Variants in SCFD1 observed in about 807,000 individuals in gnomAD.
SCFD1 encodes sec1 family domain-containing protein 1.
In SCFD1, 37 loss-of-function variants were observed where a neutral mutation model predicts 103.2. That is an observed-to-expected ratio of 0.36 (90% CI 0.28 to 0.47). The LOEUF is 0.47. Among genes scored for constraint, SCFD1 ranks in the 20% least tolerant of loss-of-function variants. The pLI is 1.00. For missense variants in SCFD1, 639 were observed against 761.2 expected (o/e 0.84, Z 1.89); for synonymous variants, 264 against 245.0 (o/e 1.08, Z -0.73).
chr14:30,670,774 T>C (rs1053275027), intron 11 of SCFD1, among the ~76,000 whole-genome samples: 1 of 152,140 alleles, frequency 6.6e-6, no homozygotes, highest in African/African-American at 2.4e-5. Context: ...ATGTAAACCT[T>C]GTTTTAGATA....
intron 19 of SCFD1, among the ~76,000 whole-genome samples, chr14:30,712,291 TA>T (rs1891937524): frequency 6.6e-6 from 1 of 152,152 alleles, no homozygotes; most frequent in Non-Finnish European, 1.5e-5. Context: ...AGGGCTCTGA[TA>T]ATCAAGACAG....
intron 9 of SCFD1, among the ~76,000 whole-genome samples, chr14:30,652,571 CTT>C (rs541616184): frequency 2.5e-4 from 38 of 152,262 alleles, no homozygotes; most frequent in African/African-American, 7.7e-4. Flanking sequence ...AGCTCCTACT[CTT>C]TGTTTTCCCT....
chr14:30,694,730 T>G (rs775759329), intron 14 of SCFD1, 43 bp from the exon 15 acceptor site: 6 of 1,539,698 alleles, frequency 3.9e-6, no homozygotes, highest in African/African-American at 2.8e-5. Flanking sequence ...TTATGTATTT[T>G]AATGACTTAA....
intron 14 of SCFD1, among the ~76,000 whole-genome samples, chr14:30,679,914 A>T (rs1421871540): frequency 6.6e-6 from 1 of 152,190 alleles, no homozygotes; most frequent in African/African-American, 2.4e-5. Flanking sequence ...CAGAAAGTTC[A>T]CAGTGGATGA....
chr14:30,719,953 A>G (rs1892541723), intron 21 of SCFD1, among the ~76,000 whole-genome samples: 1 of 104,134 alleles, frequency 9.6e-6, no homozygotes, highest in East Asian at 3.3e-4. Flanking sequence ...AATAGGCAGA[A>G]TTGGGGGCAG....
At position 30,628,265 on chromosome 14, in the gene SCFD1, G is replaced by C. The variant is rs559411605; in HGVS notation, c.118G>C (p.Glu40Gln). 1 of 1,608,352 alleles carries C rather than the reference G, an allele frequency of 6.2e-7. No individual in the cohort carries two copies. Among genetic ancestry groups the C allele is most frequent in the South Asian group, 1.1e-5 (1 of 90,820 alleles). Residue 40 changes from glutamate (E) to glutamine (Q), a missense_variant, in exon 2 of 25, where the codon GAA becomes CAA. Glu to Gln is a conservative substitution (Grantham distance 29). Coordinates refer to ENST00000458591, the MANE Select transcript of SCFD1 (RefSeq NM_016106.4). ...GCCTCATATTAAAAACAGCACAGGA[G>C]AACCAGTATGGAAGGTAAGAGTTTA... Reference protein sequence around the residue: ...NVPHIKNSTGEPVWKVLIYDR... With the variant: ...NVPHIKNSTGQPVWKVLIYDR...
chr14:30,659,985 A>G (rs980509478), intron 10 of SCFD1, among the ~76,000 whole-genome samples: 1 of 147,314 alleles, frequency 6.8e-6, no homozygotes, highest in Admixed American at 6.6e-5. Context: ...AAGCATGAAT[A>G]CTTCAGCATG....
chr14:30,647,943 G>A (rs891863641), intron 7 of SCFD1, among the ~76,000 whole-genome samples: 1 of 152,180 alleles, frequency 6.6e-6, no homozygotes. Flanking sequence ...GAGCCACCAT[G>A]CCCGGCCAGT....
chr14:30,640,656 T>G (rs548958257), intron 6 of SCFD1, among the ~76,000 whole-genome samples: 6 of 152,084 alleles, frequency 3.9e-5, no homozygotes, highest in Non-Finnish European at 7.4e-5. Flanking sequence ...ATTTTAAATT[T>G]TATTAATAAA....
At chr14:30,676,182 T>C (rs1889020163) in intron 14 of SCFD1, 1 of 152,194 alleles carries the variant, frequency 6.6e-6, no homozygotes, top group Non-Finnish European at 1.5e-5. Flanking sequence ...GAGAGCTATA[T>C]TGAGAATTTC....
intron 20 of SCFD1, among the ~76,000 whole-genome samples, chr14:30,716,559 A>G (rs1221140987): frequency 1.3e-5 from 2 of 152,188 alleles, no homozygotes; most frequent in Non-Finnish European, 2.9e-5. Flanking sequence ...TGTTTCATAA[A>G]ACATCCCATC....
At chr14:30,728,010 T>C (rs1189079559) in intron 23 of SCFD1, among the ~76,000 whole-genome samples, 5 of 152,228 alleles carry the variant, frequency 3.3e-5, no homozygotes, top group Non-Finnish European at 7.3e-5. Context: ...TGTTTGCAAC[T>C]GATCCGTCTT....
intron 18 of SCFD1, 95 bp from the exon 19 acceptor site, chr14:30,707,895 A>T (rs1301052559): frequency 2.3e-6 from 2 of 864,922 alleles, no homozygotes; most frequent in African/African-American, 3.3e-5. Flanking sequence ...AGCGAGCATC[A>T]GCATGTGGTG....
intron 11 of SCFD1, among the ~76,000 whole-genome samples, chr14:30,672,582 C>T (rs1383389377): frequency 6.6e-6 from 1 of 152,154 alleles, no homozygotes; most frequent in Non-Finnish European, 1.5e-5. Flanking sequence ...ATTTAATGAT[C>T]AACATGTATT....
At chr14:30,710,899 C>G (rs1271781989) in intron 19 of SCFD1, among the ~76,000 whole-genome samples, 1 of 152,094 alleles carries the variant, frequency 6.6e-6, no homozygotes, top group Non-Finnish European at 1.5e-5. Context: ...ATCTTTTTAT[C>G]TGAATAAACA....
intron 21 of SCFD1, among the ~76,000 whole-genome samples, chr14:30,719,976 C>T (rs1251560954): frequency 7.5e-6 from 1 of 133,724 alleles, no homozygotes; most frequent in East Asian, 2.1e-4. Flanking sequence ...GGGTGGGGGG[C>T]GGGAATAACT....
chr14:30,644,575 T>G (rs1242543104), intron 7 of SCFD1, among the ~76,000 whole-genome samples: 1 of 152,214 alleles, frequency 6.6e-6, no homozygotes, highest in Non-Finnish European at 1.5e-5. Flanking sequence ...CATTGTGGTT[T>G]TGATTTGCAT....
intron 24 of SCFD1, chr14:30,735,227 G>A (rs8015536): frequency 0.32 from 90,592 of 285,984 alleles, 15,556 homozygotes; most frequent in East Asian, 0.61. Context: ...TCAATTGAAC[G>A]TTACCTAATA....
chr14:30,672,988 T>G (rs1888694717), intron 11 of SCFD1, among the ~76,000 whole-genome samples: 1 of 152,192 alleles, frequency 6.6e-6, no homozygotes, highest in East Asian at 1.9e-4. Context: ...GTGAAGAGAA[T>G]GTATGATACT....
Sources: gnomAD v4.1 joint callset for allele counts (sites outside exome capture counted in the v4.1 genomes callset) on GRCh38, gnomAD v4.1.1 for gene constraint, MANE v1.5 for transcripts, NCBI Gene and HGNC (gene_info 2026-07-23, HGNC 2026-07-21) for gene names.